FYB1: variants seen among roughly 807,000 people sequenced by gnomAD.
FYB1 encodes FYN binding protein 1.
In FYB1, 41 loss-of-function variants were observed where a neutral mutation model predicts 94.1. The ratio of observed to expected loss-of-function variants is 0.44; its 90% CI spans 0.34 to 0.57. The LOEUF is 0.57. FYB1 is among the 20% of genes least tolerant of loss of function. FYB1 has a pLI of 0.02. For missense variants in FYB1, 1,050 were observed against 976.8 expected (o/e 1.07, Z -1.00); for synonymous variants, 367 against 353.2 (o/e 1.04, Z -0.44).
intron 9 of FYB1, among the ~76,000 whole-genome samples, chr5:39,133,407 G>A (rs1741382970): frequency 6.6e-6 from 1 of 152,134 alleles, no homozygotes; most frequent in African/African-American, 2.4e-5. Context: ...GAAAACGGAG[G>A]TGTTGGAGGA....
chr5:39,222,891 ACT>A (rs1750328377), upstream of FYB1, among the ~76,000 whole-genome samples: 1 of 151,998 alleles, frequency 6.6e-6, no homozygotes, highest in African/African-American at 2.4e-5. Context: ...TCCCCTTGTC[ACT>A]CTGTGTTATG....
chr5:39,201,679 A>T, intron 2 of FYB1, 147 bp downstream of exon 2: 2 of 754,124 alleles, frequency 2.7e-6, no homozygotes, highest in Non-Finnish European at 4.1e-6. Context: ...CACATGAAAG[A>T]AAAAAACAAG....
At chr5:39,122,013 A>C (rs956133476) in intron 14 of FYB1, among the ~76,000 whole-genome samples, 9 of 152,122 alleles carry the variant, frequency 5.9e-5, no homozygotes, top group African/African-American at 2.2e-4. Flanking sequence ...ATATTTCCCC[A>C]GTGAATGAAT....
At chr5:39,136,837 ATACT>A (rs1741717282) in intron 7 of FYB1, among the ~76,000 whole-genome samples, 1 of 152,222 alleles carries the variant, frequency 6.6e-6, no homozygotes, top group Non-Finnish European at 1.5e-5. Context: ...AGGAATAAAA[ATACT>A]TAAAGAAACC....
intron 7 of FYB1, among the ~76,000 whole-genome samples, chr5:39,135,305 C>T (rs1332843265): frequency 6.6e-6 from 1 of 152,162 alleles, no homozygotes; most frequent in Non-Finnish European, 1.5e-5. Context: ...AAGGCAGCCC[C>T]CAATAACTGA....
chr5:39,186,377 T>C (rs926681413), intron 2 of FYB1, among the ~76,000 whole-genome samples: 3 of 152,066 alleles, frequency 2.0e-5, no homozygotes, highest in Non-Finnish European at 4.4e-5. Flanking sequence ...TGAGCCAATA[T>C]AGTGCCGCTG....
chr5:39,241,358 G>C (rs889059038), intron 1 of FYB1, among the ~76,000 whole-genome samples: 3 of 152,164 alleles, frequency 2.0e-5, no homozygotes, highest in African/African-American at 7.2e-5. Flanking sequence ...CACTACAACA[G>C]GGTGTCCAGG....
upstream of FYB1, among the ~76,000 whole-genome samples, chr5:39,221,075 G>A (rs1447350619): frequency 1.3e-5 from 2 of 152,176 alleles, no homozygotes; most frequent in East Asian, 1.9e-4. Flanking sequence ...CAGCTACACA[G>A]GATAAGGCAT....
chr5:39,258,784 T>A (rs1406492065), intron 1 of FYB1, among the ~76,000 whole-genome samples: 4 of 151,998 alleles, frequency 2.6e-5, no homozygotes, highest in African/African-American at 9.7e-5. Context: ...TGAAAAAAAA[T>A]GTAAAGATAG....
intron 1 of FYB1, among the ~76,000 whole-genome samples, chr5:39,236,082 C>T (rs1750952888): frequency 6.6e-6 from 1 of 151,704 alleles, no homozygotes; most frequent in African/African-American, 2.4e-5. Context: ...GTTTTCTAAA[C>T]CTCTCAGATA....
chr5:39,196,364 T>G (rs544675273), intron 2 of FYB1, among the ~76,000 whole-genome samples: 6 of 152,102 alleles, frequency 3.9e-5, no homozygotes, highest in African/African-American at 1.4e-4. Context: ...CCACTATGCC[T>G]GGCTAATTTT....
chr5:39,132,980 T>C (rs1231164275), intron 9 of FYB1, among the ~76,000 whole-genome samples: 1 of 152,208 alleles, frequency 6.6e-6, no homozygotes, highest in Non-Finnish European at 1.5e-5. Context: ...CTCTAGTGCA[T>C]GCATTGTATG....
Position 39,202,647 on chromosome 5 carries a change from G to C in FYB1, c.314C>G (p.Ala105Gly). The C allele has an allele frequency of 2.5e-6, 4 of 1,613,804 alleles. No individual in the cohort carries two copies. Among genetic ancestry groups the C allele is most frequent in the South Asian group, 2.2e-5 (2 of 91,060 alleles). Residue 105 changes from alanine (A) to glycine (G), a missense_variant, in exon 2 of 19, where the codon GCG becomes GGG. Transcript: ENST00000512982. The part of the protein sequence containing the change: ...PASLTTRDPE[A>G]KVGFLKPVGP... ...TACAGGTTTCAGAAATCCCACTTTC[G>C]CCTCGGGGTCTCTGGTGGTCAAGCT...
chr5:39,137,839 A>G (rs1741794441), intron 6 of FYB1, 119 bp from the exon 7 acceptor site: 1 of 1,349,852 alleles, frequency 7.4e-7, no homozygotes. Flanking sequence ...AGTTGAAGGT[A>G]AAAAGCGAAA....
chr5:39,108,099 T>C, intron 18 of FYB1, 132 bp downstream of exon 18: 1 of 850,072 alleles, frequency 1.2e-6, no homozygotes, highest in South Asian at 1.9e-5. Context: ...GCATTTACCT[T>C]TTCTAACATT....
intron 1 of FYB1, among the ~76,000 whole-genome samples, chr5:39,248,167 T>C (rs1242527275): frequency 1.3e-5 from 2 of 152,194 alleles, no homozygotes; most frequent in Admixed American, 1.3e-4. Flanking sequence ...TAAGTTTGAA[T>C]ATAACATTAA....
At chr5:39,110,542 T>A (rs1738976774) in intron 16 of FYB1, 153 bp from the exon 17 acceptor site, 2 of 492,696 alleles carry the variant, frequency 4.1e-6, no homozygotes, top group Admixed American at 3.9e-5. Context: ...TACTTGTGTC[T>A]ACTTTTGTGT....
chr5:39,247,070 T>C (rs1337039365), intron 1 of FYB1, among the ~76,000 whole-genome samples: 68 of 54,774 alleles, frequency 1.2e-3, no homozygotes, highest in African/African-American at 4.8e-3. Flanking sequence ...AAATGCGTGT[T>C]CATATATATA....
At chr5:39,247,097 T>C (rs1234826901) in intron 1 of FYB1, among the ~76,000 whole-genome samples, 1 of 141,646 alleles carries the variant, frequency 7.1e-6, no homozygotes, top group African/African-American at 2.6e-5. Flanking sequence ...TATATATATA[T>C]ATATATATAT....
Sources: allele counts gnomAD v4.1 joint callset (sites outside exome capture counted in the v4.1 genomes callset), GRCh38; gene constraint gnomAD v4.1.1; transcripts MANE v1.5; gene names NCBI Gene and HGNC (gene_info 2026-07-23, HGNC 2026-07-21).